LRRC9: variants seen among roughly 807,000 people sequenced by gnomAD.
LRRC9 encodes leucine-rich repeat-containing protein 9.
LRRC9 carries 122 observed loss-of-function variants against 63.2 expected under a neutral mutation model. The ratio of observed to expected loss-of-function variants is 1.93; its 90% confidence interval spans 1.67 to 2.24. LRRC9 has a LOEUF of 2.24. Among genes scored for constraint, LRRC9 ranks in the 30% most tolerant of loss-of-function variants. LRRC9 has a pLI of 0.00. For missense variants in LRRC9, 1,071 were observed against 627.7 expected (o/e 1.71, Z -7.55); for synonymous variants, 366 against 213.1 (o/e 1.72, Z -6.25).
chr14:60,019,146 T>C (rs1280759970), exon 26 of LRRC9: 1 of 695,812 alleles, frequency 1.4e-6, no homozygotes, highest in Non-Finnish European at 2.6e-6. Flanking sequence ...TATAATCATA[T>C]TGAATCAATC....
Position 59,938,922 on chromosome 14 carries a change from T to TACAC in LRRC9, c.726+351_726+352insCACA, listed in dbSNP as rs1881364865. On this transcript the variant is annotated intron_variant, in intron 7 of 31. Transcript: ENST00000445360. The surrounding 1 kb of genome is among the most constrained non-coding windows in gnomAD (Gnocchi z 4.2). ...ATATATACATATATACACATATGCA[T>TACAC]ATATATACACATATATACATATACA... 7.4e-6 allele frequency among the ~76,000 whole-genome samples: 1 copy of TACAC among 134,356 alleles called. No individual in the cohort carries two copies. Among genetic ancestry groups the TACAC allele is most frequent in the South Asian group, 2.5e-4 (1 of 3,988 alleles). 88.1% of individuals were successfully genotyped at this position (134,356 alleles called of 152,430 possible).
At chr14:59,925,591 C>T (rs976283865) in intron 1 of LRRC9, among the ~76,000 whole-genome samples, 25 of 152,088 alleles carry the variant, frequency 1.6e-4, no homozygotes, top group African/African-American at 4.6e-4. Flanking sequence ...ACATTCAAAC[C>T]GTAGCATTCA....
chr14:59,926,091 T>C (rs967646362), intron 1 of LRRC9, among the ~76,000 whole-genome samples: 1 of 152,192 alleles, frequency 6.6e-6, no homozygotes, highest in Non-Finnish European at 1.5e-5. Context: ...CATATGAAAC[T>C]GTGAGTCAAT....
At position 59,938,917 on chromosome 14, in the gene LRRC9, A is replaced by ATG. The variant is rs1352365359; in HGVS notation, c.726+346_726+347dup. 7.1e-6 allele frequency among the ~76,000 whole-genome samples: 1 copy of ATG among 140,724 alleles called. No individual in the cohort carries two copies. The highest frequency in any genetic ancestry group is 1.5e-5 in the Non-Finnish European group (1 of 66,478). The allele number at this position is 140,724 out of a possible 152,430, so 92.3% of individuals were successfully genotyped here. ...CACATATATATACATATATACACAT[A>ATG]TGCATATATATACACATATATACAT... is the stretch of plus-strand genomic sequence containing the variant. On this transcript the variant is annotated intron_variant, in intron 7 of 31. Transcript: ENST00000445360. This position sits in a 1 kb window ranked among gnomAD's most constrained non-coding sequence, Gnocchi z 4.2.
exon 22 of LRRC9, chr14:60,006,469 C>A (rs774328450): frequency 2.7e-5 from 19 of 701,894 alleles, no homozygotes; most frequent in Middle Eastern, 4.6e-4. Flanking sequence ...GAAGAGCATA[C>A]CTTTGATAAC....
At chr14:60,038,380 G>C (rs976170764) in intron 29 of LRRC9, among the ~76,000 whole-genome samples, 1 of 152,158 alleles carries the variant, frequency 6.6e-6, no homozygotes, top group African/African-American at 2.4e-5. Flanking sequence ...TCACAATATT[G>C]ATTCTTCCTA....
At chr14:59,920,368 C>T (rs936084326) in intron 1 of LRRC9, 95 bp downstream of exon 1, 1 of 152,150 alleles carries the variant, frequency 6.6e-6, no homozygotes, top group Non-Finnish European at 1.5e-5. Context: ...GGGAAGACGC[C>T]AGTGAAGCAA....
chr14:59,961,697 C>A (rs1017475559), intron 10 of LRRC9, among the ~76,000 whole-genome samples: 1 of 152,062 alleles, frequency 6.6e-6, no homozygotes, highest in Non-Finnish European at 1.5e-5. Context: ...GGCTTTAGAA[C>A]CAAGGCCTAC....
At position 59,938,245 on chromosome 14, in the gene LRRC9, A is replaced by G. The variant is rs2139820934; in HGVS notation, c.544-145A>G. 2.2e-6 allele frequency: 1 copy of G among 461,612 alleles called. No homozygotes were observed. Among genetic ancestry groups the G allele is most frequent in the Non-Finnish European group, 3.8e-6 (1 of 263,844 alleles). The allele number at this position is 461,612 out of a possible 1,614,324, so 28.6% of individuals were successfully genotyped here. The stretch of plus-strand genomic sequence containing the variant: ...AGGAATTTAGCTTTTCAATAGAGAG[A>G]AACATTTTAGGCATCTAAATCACTT... On this transcript the variant is annotated intron_variant, in intron 6 of 31. Transcript: ENST00000445360. The surrounding 1 kb of genome is among the most constrained non-coding windows in gnomAD (Gnocchi z 4.2).
At chr14:60,001,218 C>T (rs1030086524) in intron 19 of LRRC9, among the ~76,000 whole-genome samples, 1 of 150,932 alleles carries the variant, frequency 6.6e-6, no homozygotes, top group African/African-American at 2.5e-5. Flanking sequence ...GTGTATTCTA[C>T]AACCCAGCAA....
At chr14:60,016,682 C>A (rs1179569599) in exon 24 of LRRC9, 6 of 699,896 alleles carry the variant, frequency 8.6e-6, no homozygotes, top group East Asian at 2.7e-5. Flanking sequence ...ACTGACAGTG[C>A]AAAAGATTTG....
At chr14:59,977,523 T>C (rs1480727634) in intron 14 of LRRC9, among the ~76,000 whole-genome samples, 176 bp downstream of exon 14, 1 of 151,950 alleles carries the variant, frequency 6.6e-6, no homozygotes, top group Non-Finnish European at 1.5e-5. Flanking sequence ...CATTTATATA[T>C]GGGTGTGGGT....
intron 6 of LRRC9, among the ~76,000 whole-genome samples, chr14:59,937,972 G>A (rs559613231): frequency 5.3e-5 from 8 of 152,258 alleles, no homozygotes; most frequent in African/African-American, 1.9e-4. Flanking sequence ...GAGCAGATCT[G>A]GAGGCAGCGA....
chr14:59,945,538 G>C (rs1229602279), intron 8 of LRRC9, among the ~76,000 whole-genome samples: 3 of 151,884 alleles, frequency 2.0e-5, no homozygotes, highest in Non-Finnish European at 2.9e-5. Flanking sequence ...ATATTTATCT[G>C]ATCTCAGCCT....
chr14:59,994,957 A>C (rs1489624942), intron 17 of LRRC9, among the ~76,000 whole-genome samples: 3 of 152,076 alleles, frequency 2.0e-5, no homozygotes, highest in Non-Finnish European at 2.9e-5. Flanking sequence ...ATGTATACAT[A>C]TGTAACAAAC....
chr14:59,957,872 T>C (rs181081260), intron 8 of LRRC9, among the ~76,000 whole-genome samples: 1 of 152,302 alleles, frequency 6.6e-6, no homozygotes, highest in Admixed American at 6.5e-5. Context: ...TAGTTTTTCT[T>C]CTAACAGGCC....
chr14:59,979,144 T>C (rs1886637364), intron 15 of LRRC9, among the ~76,000 whole-genome samples: 2 of 152,266 alleles, frequency 1.3e-5, no homozygotes, highest in South Asian at 4.1e-4. Flanking sequence ...TGGTGGCTCA[T>C]GCCTGCAATC....
intron 29 of LRRC9, among the ~76,000 whole-genome samples, chr14:60,040,586 G>A (rs1224681313): frequency 6.6e-6 from 1 of 151,762 alleles, no homozygotes; most frequent in African/African-American, 2.4e-5. Context: ...TGCAACCCCT[G>A]CATTTTTTTG....
At chr14:60,011,362 C>G (rs1002961553) in intron 23 of LRRC9, among the ~76,000 whole-genome samples, 2 of 152,154 alleles carry the variant, frequency 1.3e-5, no homozygotes, top group African/African-American at 4.8e-5. Context: ...TGGGTCCCTC[C>G]CACAACACAA....
Sources: gnomAD v4.1 joint callset for allele counts (sites outside exome capture counted in the v4.1 genomes callset) on GRCh38, gnomAD v4.1.1 for gene constraint, Gnocchi (gnomAD v3.1) non-coding constraint, MANE v1.5 for transcripts, NCBI Gene and HGNC (gene_info 2026-07-23, HGNC 2026-07-21) for gene names.